Variants in RAI14 observed in about 807,000 individuals in gnomAD.
RAI14 encodes retinoic acid induced 14, also known as ankycorbin.
A neutral mutation model predicts 115.4 loss-of-function variants in RAI14; 45 were observed. The observed-to-expected ratio is 0.39, with a 90% confidence interval of 0.31 to 0.50. The LOEUF is 0.50. Ranked by LOEUF, RAI14 falls within the 20% of genes least tolerant of loss-of-function variation. The pLI is 0.85. For missense variants in RAI14, 939 were observed against 1,131.2 expected, an observed-to-expected ratio of 0.83 and a Z score of 2.44; for synonymous variants, 371 against 415.4, an observed-to-expected ratio of 0.89 and a Z score of 1.30.
At chr5:34,752,701 A>ATGTGTGTGTGTG (rs764853413) in intron 2 of RAI14, among the ~76,000 whole-genome samples, 8 of 90,250 alleles carry the variant, frequency 8.9e-5, no homozygotes, top group Non-Finnish European at 1.7e-4. Flanking sequence ...TTTCTTACAT[A>ATGTGTGTGTGTG]TATGTGTGTG....
intron 10 of RAI14, among the ~76,000 whole-genome samples, chr5:34,812,532 G>A (rs1002433905): frequency 6.6e-6 from 1 of 152,062 alleles, no homozygotes; most frequent in Non-Finnish European, 1.5e-5. Context: ...GGGCATGGTG[G>A]TGCGTGCCTG....
chr5:34,812,103 G>A, intron 9 of RAI14, 77 bp from the exon 10 acceptor site: 2 of 1,376,718 alleles, frequency 1.5e-6, no homozygotes, highest in Non-Finnish European at 2.0e-6. Context: ...TGGTGTATGT[G>A]TGTGTATCCC....
intron 3 of RAI14, among the ~76,000 whole-genome samples, chr5:34,758,909 T>C (rs750188932): frequency 6.6e-6 from 1 of 152,128 alleles, no homozygotes; most frequent in Non-Finnish European, 1.5e-5. Flanking sequence ...TGCCTCAGAG[T>C]TATTCCACCC....
intron 1 of RAI14, among the ~76,000 whole-genome samples, chr5:34,667,571 T>C (rs1180887188): frequency 6.6e-6 from 1 of 152,076 alleles, no homozygotes; most frequent in African/African-American, 2.4e-5. Flanking sequence ...TTTTTTGCAT[T>C]GGAAAAAAAC....
chr5:34,704,668 CCTAT>C (rs148209094), intron 2 of RAI14, among the ~76,000 whole-genome samples: 4,971 of 152,282 alleles, frequency 0.033, 114 homozygotes, highest in South Asian at 0.071. Flanking sequence ...GTTATATACT[CCTAT>C]CTATCAAATC....
intron 1 of RAI14, among the ~76,000 whole-genome samples, chr5:34,680,512 A>C (rs1744311016): frequency 1.3e-5 from 2 of 152,232 alleles, no homozygotes; most frequent in African/African-American, 4.8e-5. Context: ...TAAAGTCTTC[A>C]TCCCTTAATA....
intron 3 of RAI14, among the ~76,000 whole-genome samples, chr5:34,792,307 C>T (rs992812390): frequency 3.5e-5 from 5 of 144,330 alleles, no homozygotes; most frequent in African/African-American, 1.3e-4. Context: ...AATCTTGGCT[C>T]ACTGCAAGCT....
chr5:34,772,354 A>G (rs1442511560), intron 3 of RAI14, among the ~76,000 whole-genome samples: 2 of 152,194 alleles, frequency 1.3e-5, no homozygotes, highest in African/African-American at 2.4e-5. Context: ...TTAGTGCAAA[A>G]GTGATTGTGG....
chr5:34,697,515 C>T (rs1739415972), intron 2 of RAI14, among the ~76,000 whole-genome samples: 1 of 151,384 alleles, frequency 6.6e-6, no homozygotes. Context: ...GGTAACCAGT[C>T]AGGCTTTTCC....
chr5:34,673,285 T>C (rs1743745600), intron 1 of RAI14, among the ~76,000 whole-genome samples: 1 of 152,124 alleles, frequency 6.6e-6, no homozygotes, highest in African/African-American at 2.4e-5. Flanking sequence ...GGGTAATGAA[T>C]GGAGGACTTA....
chr5:34,755,122 G>A (rs756455330), intron 2 of RAI14, among the ~76,000 whole-genome samples: 4 of 152,138 alleles, frequency 2.6e-5, no homozygotes, highest in Non-Finnish European at 4.4e-5. Context: ...AGTGCACTCT[G>A]GGGGAATAAG....
At chr5:34,743,341 C>T (rs1745762024) in intron 2 of RAI14, among the ~76,000 whole-genome samples, 1 of 152,140 alleles carries the variant, frequency 6.6e-6, no homozygotes, top group African/African-American at 2.4e-5. Context: ...GGCTTGTAGG[C>T]ACACCACTCT....
chr5:34,830,864 A>G lies in RAI14; in HGVS notation c.*99A>G. 1.9e-6 allele frequency: 3 copies of G among 1,558,936 alleles called. No homozygotes were observed. The highest frequency in any genetic ancestry group is 1.2e-5 in the South Asian group (1 of 82,852). On this transcript the variant is annotated 3_prime_UTR_variant, in exon 18 of 18. Coordinates refer to ENST00000265109, the MANE Select transcript of RAI14 (RefSeq NM_015577.3). ...GCCATTGTTCTCATTCGTGGTATGC[A>G]CTGTGGCCTAGCGTAGCTTCTTCCC...
chr5:34,731,485 C>T (rs1050542192), intron 2 of RAI14, among the ~76,000 whole-genome samples: 8 of 152,198 alleles, frequency 5.3e-5, no homozygotes, highest in South Asian at 2.1e-4. Flanking sequence ...TACTTTAGAA[C>T]GGGCAAGAGA....
chr5:34,786,153 C>T (rs1312785092), intron 3 of RAI14, among the ~76,000 whole-genome samples: 1 of 152,184 alleles, frequency 6.6e-6, no homozygotes, highest in Non-Finnish European at 1.5e-5. Flanking sequence ...GGGATGGGCC[C>T]CTCATGCCAT....
intron 2 of RAI14, among the ~76,000 whole-genome samples, chr5:34,712,689 A>G (rs1741533443): frequency 1.3e-5 from 2 of 152,208 alleles, no homozygotes; most frequent in South Asian, 4.1e-4. Flanking sequence ...AGTTTTTCCA[A>G]GTGACAACTG....
Position 34,811,742 on chromosome 5 carries a change from A to ATTC in RAI14, c.558-23_558-22insCTT, listed in dbSNP as rs777768348. Reference sequence around the variant, plus strand: ...GACTTTTTACATTCTCTTAGTACTAATTTTGTGTCTCTTTTTTCCTTTAGA... The same window carrying ATTC: ...GACTTTTTACATTCTCTTAGTACTAATTCTTTTGTGTCTCTTTTTTCCTTTAGA... On this transcript the variant is annotated intron_variant, in intron 8 of 17. Coordinates refer to ENST00000265109, the MANE Select transcript of RAI14 (RefSeq NM_015577.3). 4.0e-5 allele frequency: 63 copies of ATTC among 1,586,040 alleles called. No individual in the cohort carries two copies. In the African/African-American group the frequency reaches 7.9e-4, roughly 20 times the overall value.
At chr5:34,664,167 C>G (rs1185787144) in intron 1 of RAI14, among the ~76,000 whole-genome samples, 2 of 150,378 alleles carry the variant, frequency 1.3e-5, no homozygotes, top group East Asian at 3.9e-4. Context: ...CTTTTTTTTT[C>G]TTTCCTTATT....
chr5:34,669,002 G>A (rs1221259733), intron 1 of RAI14, among the ~76,000 whole-genome samples: 4 of 152,066 alleles, frequency 2.6e-5, no homozygotes, highest in African/African-American at 4.8e-5. Flanking sequence ...GACTACAGGC[G>A]TGTGCCACCA....
Sources: gnomAD v4.1 joint callset for allele counts (sites outside exome capture counted in the v4.1 genomes callset) on GRCh38, gnomAD v4.1.1 for gene constraint, MANE v1.5 for transcripts, NCBI Gene and HGNC (gene_info 2026-07-23, HGNC 2026-07-21) for gene names.